Variants in FHIT observed in about 807,000 individuals in gnomAD.
The protein encoded by FHIT is bis(5'-adenosyl)-triphosphatase.
In FHIT, 19 loss-of-function variants were observed where a neutral mutation model predicts 17.9. That is an observed-to-expected ratio of 1.06 (90% CI 0.74 to 1.56). FHIT has a LOEUF of 1.56. Ranked by LOEUF, FHIT falls within the 40% of genes most tolerant of loss-of-function variation. The pLI is 0.00. For missense variants in FHIT, 248 were observed against 189.2 expected, an observed-to-expected ratio of 1.31 and a Z score of -1.82; for synonymous variants, 81 against 69.7, an observed-to-expected ratio of 1.16 and a Z score of -0.81.
intron 5 of FHIT, among the ~76,000 whole-genome samples, chr3:60,130,784 G>GTGTGTATATACACACATATATAT (rs148356992): frequency 2.7e-5 from 3 of 111,628 alleles, no homozygotes; most frequent in Admixed American, 1.8e-4. Flanking sequence ...GTGTGTGTGT[G>GTGTGTATATACACACATATATAT]GTGTGTATAT....
chr3:61,083,968 T>A (rs572663786), intron 2 of FHIT, among the ~76,000 whole-genome samples: 5 of 152,168 alleles, frequency 3.3e-5, no homozygotes, highest in African/African-American at 1.2e-4. Flanking sequence ...TGGATAGTGT[T>A]TTTTCATGTC....
At chr3:60,920,453 G>A (rs1707219552) in intron 3 of FHIT, among the ~76,000 whole-genome samples, 2 of 152,100 alleles carry the variant, frequency 1.3e-5, no homozygotes, top group Admixed American at 6.5e-5. Flanking sequence ...AGTCTAGATC[G>A]GTAGAGGCAG....
chr3:60,062,891 G>C (rs1026896385), intron 5 of FHIT, among the ~76,000 whole-genome samples: 2 of 152,112 alleles, frequency 1.3e-5, no homozygotes, highest in African/African-American at 4.8e-5. Flanking sequence ...AGCCATAAAG[G>C]CCTTGCAGAA....
At chr3:60,834,813 C>G (rs957738158) in intron 3 of FHIT, among the ~76,000 whole-genome samples, 1 of 149,718 alleles carries the variant, frequency 6.7e-6, no homozygotes, top group Non-Finnish European at 1.5e-5. Context: ...TGCAGTGAGC[C>G]GAGATCGTGC....
Position 60,862,953 on chromosome 3 carries a change from A to T in FHIT, c.-110-40942T>A, listed in dbSNP as rs782664904. ...AGCAGATGTATCAAGGTTACTAGTCAACCGACTTTAACATAGGAAGGTTAT... is the reference window on the plus strand; with the variant it reads ...AGCAGATGTATCAAGGTTACTAGTCTACCGACTTTAACATAGGAAGGTTAT... On this transcript the variant is annotated intron_variant, in intron 3 of 9. Transcript: ENST00000492590. Among the ~76,000 whole-genome samples, 7 of 152,266 alleles carry T rather than the reference A, an allele frequency of 4.6e-5. No individual in the cohort carries two copies. In the South Asian group the frequency reaches 6.2e-4, roughly 13 times the overall value.
At chr3:60,336,704 C>A (rs559401564) in intron 5 of FHIT, among the ~76,000 whole-genome samples, 1 of 152,208 alleles carries the variant, frequency 6.6e-6, no homozygotes, top group African/African-American at 2.4e-5. Context: ...GTAGACAGAA[C>A]AGTGGAGAAC....
intron 5 of FHIT, among the ~76,000 whole-genome samples, chr3:60,288,702 A>G (rs1173134678): frequency 6.6e-6 from 1 of 152,134 alleles, no homozygotes; most frequent in Non-Finnish European, 1.5e-5. Context: ...CTTTTAAAAA[A>G]AAGTACATAG....
intron 2 of FHIT, among the ~76,000 whole-genome samples, chr3:61,184,005 T>C (rs1202323310): frequency 6.6e-6 from 1 of 152,076 alleles, no homozygotes; most frequent in African/African-American, 2.4e-5. Flanking sequence ...GAATCTCCTA[T>C]ACTTGTAATA....
intron 5 of FHIT, among the ~76,000 whole-genome samples, chr3:60,528,408 T>A (rs561486586): frequency 6.6e-6 from 1 of 151,378 alleles, no homozygotes; most frequent in Non-Finnish European, 1.5e-5. Context: ...CAAACACATA[T>A]ACAAAAGGAA....
At chr3:60,041,181 A>G (rs1701423509) in intron 5 of FHIT, among the ~76,000 whole-genome samples, 1 of 152,158 alleles carries the variant, frequency 6.6e-6, no homozygotes. Flanking sequence ...CTACCCTATG[A>G]TCCTGACATG....
chr3:60,284,662 AT>A (rs781014211), intron 5 of FHIT, among the ~76,000 whole-genome samples: 2 of 152,164 alleles, frequency 1.3e-5, no homozygotes, highest in African/African-American at 2.4e-5. Flanking sequence ...AGACATTCCC[AT>A]TTTTTTATGT....
intron 2 of FHIT, among the ~76,000 whole-genome samples, chr3:61,173,165 T>C (rs955508864): frequency 6.6e-6 from 1 of 152,212 alleles, no homozygotes; most frequent in Non-Finnish European, 1.5e-5. Flanking sequence ...ATAAAATACA[T>C]GTGCAGCTAG....
chr3:60,707,730 A>G (rs1462450915), intron 4 of FHIT, among the ~76,000 whole-genome samples: 1 of 152,214 alleles, frequency 6.6e-6, no homozygotes, highest in African/African-American at 2.4e-5. Context: ...AGATTAGAAA[A>G]TATTGTTTAA....
At chr3:59,986,788 ATATATAAATATATTTTGTAT>A (rs1708984391) in intron 7 of FHIT, among the ~76,000 whole-genome samples, 1 of 574 alleles carries the variant, frequency 1.7e-3, no homozygotes, top group African/African-American at 7.1e-3. Context: ...ATAAATATAT[ATATATAAATATATTTTGTAT>A]TATATATTAA....
chr3:60,551,108 C>T (rs780274154), intron 4 of FHIT, among the ~76,000 whole-genome samples: 1 of 151,986 alleles, frequency 6.6e-6, no homozygotes, highest in African/African-American at 2.4e-5. Flanking sequence ...CAAGAATGAT[C>T]TCAAGATCTT....
At chr3:59,964,987 CAA>C (rs1707855550) in intron 7 of FHIT, among the ~76,000 whole-genome samples, 1 of 152,008 alleles carries the variant, frequency 6.6e-6, no homozygotes, top group African/African-American at 2.4e-5. Flanking sequence ...TATTATAGCA[CAA>C]AGTCTTATTC....
intron 3 of FHIT, among the ~76,000 whole-genome samples, chr3:60,906,353 T>C (rs1207412259): frequency 2.0e-5 from 3 of 152,200 alleles, no homozygotes; most frequent in African/African-American, 4.8e-5. Context: ...TCCTGTGATG[T>C]TGAATTTGAA....
At position 60,861,115 on chromosome 3, in the gene FHIT, CTA is replaced by C. The variant is rs1234521622; in HGVS notation, c.-110-39106_-110-39105del. ...CAGATATCATATATACACATATATC[CTA>C]TATGTGTATATATGATATATGTATA... On this transcript the variant is annotated intron_variant, in intron 3 of 9. Transcript: ENST00000492590. Among the ~76,000 whole-genome samples, 52 of 75,356 alleles carry C rather than the reference CTA, an allele frequency of 6.9e-4. 3 individuals are homozygous for C. Among genetic ancestry groups the C allele is most frequent in the African/African-American group, 2.3e-3 (47 of 20,128 alleles). 49.4% of individuals were successfully genotyped at this position (75,356 alleles called of 152,430 possible).
intron 2 of FHIT, among the ~76,000 whole-genome samples, chr3:61,140,281 T>C (rs1358170938): frequency 6.6e-6 from 1 of 152,116 alleles, no homozygotes; most frequent in African/African-American, 2.4e-5. Flanking sequence ...GCTTTTACTA[T>C]GAGGAAAATG....
Sources: gnomAD v4.1 joint callset for allele counts (sites outside exome capture counted in the v4.1 genomes callset) on GRCh38, gnomAD v4.1.1 for gene constraint, MANE v1.5 for transcripts, NCBI Gene and HGNC (gene_info 2026-07-23, HGNC 2026-07-21) for gene names.